The following PIK3IP1 variants were observed in gnomAD, a reference collection of about 807,000 sequenced individuals.
PIK3IP1 encodes the protein phosphoinositide-3-kinase interacting protein 1.
PIK3IP1 carries 28 observed loss-of-function variants against 30.7 expected under a neutral mutation model. The observed-to-expected ratio is 0.91, with a 90% CI of 0.68 to 1.25. The LOEUF is 1.25. Ranked by LOEUF, PIK3IP1 falls within the 50% of genes most tolerant of loss-of-function variation. The pLI is 0.00. For missense variants in PIK3IP1, 333 were observed against 346.2 expected, an observed-to-expected ratio of 0.96 and a Z score of 0.30; for synonymous variants, 159 against 140.8, an observed-to-expected ratio of 1.13 and a Z score of -0.91.
rs2049188401 is a variant in PIK3IP1 at position 31,292,457 on chromosome 22, G to T, written c.-113C>A. ...TTGCAGTCAGACCTGCCCTTGTTAT[G>T]CTGTTCTGGTAAACAGCCTCTCTTT... On this transcript the variant is annotated 5_prime_UTR_variant, in exon 1 of 6. Transcript: ENST00000215912. 3 of 813,086 alleles carry T rather than the reference G, an allele frequency of 3.7e-6. No individual in the cohort carries two copies. The highest frequency in any genetic ancestry group is 2.0e-5 in the Admixed American group (1 of 49,092). The allele number at this position is 813,086 out of a possible 1,614,324, so 50.4% of individuals were successfully genotyped here.
At chr22:31,291,370 G>T in intron 1 of PIK3IP1, 74 bp from the exon 2 acceptor site, 1 of 1,426,260 alleles carries the variant, frequency 7.0e-7, no homozygotes, top group Non-Finnish European at 9.7e-7. Flanking sequence ...GCGGACAGGG[G>T]AGCCGGGACC....
At chr22:31,290,573 C>G (rs1569012400) in intron 3 of PIK3IP1, 1 of 182,158 alleles carries the variant, frequency 5.5e-6, no homozygotes, top group East Asian at 1.4e-4. Context: ...ATGCCTCAAA[C>G]GACTTCTTCC....
chr22:31,289,480 G>A lies in PIK3IP1; in HGVS notation c.508+19C>T, dbSNP rs761245067. ...TCTTGATGAATCCCAACGAGGGCAG[G>A]GGTGGGGGACCGTCATACCCAGAGT... On this transcript the variant is annotated intron_variant, in intron 4 of 5. Coordinates refer to ENST00000215912, the MANE Select transcript of PIK3IP1 (RefSeq NM_052880.5). 2 of 1,541,124 alleles carry A rather than the reference G, an allele frequency of 1.3e-6. No homozygotes were observed. Among genetic ancestry groups the A allele is most frequent in the East Asian group, 4.5e-5 (2 of 44,042 alleles).
rs767366392 is a variant in PIK3IP1, at chr22:31,290,983, C to T, written c.289G>A (p.Glu97Lys). 3.7e-6 allele frequency: 6 copies of T among 1,605,958 alleles called. No individual in the cohort carries two copies. In the East Asian group the frequency reaches 6.8e-5, roughly 18 times the overall value. The change falls in exon 3 of 6, where the codon GAG (glutamate) becomes AAG (lysine). Residue 97 changes from glutamate (E) to lysine (K), a missense_variant. Glu to Lys is a moderately conservative substitution (Grantham distance 56, BLOSUM62 1). Coordinates refer to ENST00000215912, the MANE Select transcript of PIK3IP1 (RefSeq NM_052880.5). ...EAGVPEKRPC[E>K]DLRCPETTSQ... ...CAGGTACCTGGACAGCGCAGGTCCT[C>T]GCAAGGCCGTTTCTCAGGGACGCCG...
rs1022475993 is a variant in PIK3IP1, at chr22:31,284,905, G to A, written c.588-1617C>T. On this transcript the variant is annotated intron_variant, in intron 5 of 5. Coordinates refer to ENST00000215912, the MANE Select transcript of PIK3IP1 (RefSeq NM_052880.5). ...CTCCCTCCCTAAGAGGAAGCCTGGT[G>A]CCTGCCCACCCATCCCAGCCAGGGA... Among the ~76,000 whole-genome samples the A allele has an allele frequency of 1.1e-4, 16 of 151,074 alleles. 1 individual carries two copies. The highest frequency in any genetic ancestry group is 2.6e-4 in the Admixed American group (4 of 15,122).
At chr22:31,290,501 T>C (rs2049165925) in intron 3 of PIK3IP1, 1 of 156,404 alleles carries the variant, frequency 6.4e-6, no homozygotes, top group African/African-American at 2.4e-5. Context: ...CTAAGAAACG[T>C]GAATTCAAAT....
chr22:31,289,291 G>A (rs1204054341), intron 5 of PIK3IP1, 24 bp downstream of exon 5: 1 of 1,612,740 alleles, frequency 6.2e-7, no homozygotes, highest in Non-Finnish European at 8.5e-7. Context: ...CCTCCTAAGA[G>A]GGCCCAGAAG....
In PIK3IP1 at chr22:31,289,505, T is replaced by A; in HGVS notation, c.502A>T (p.Thr168Ser). ...GGGTGGGGGACCGTCATACCCAGAG[T>A]TCCCAGGTCCTTTTTCTCCTTGGAG... Reference protein sequence around the residue: ...MNSKEKKDLGTLGYVLGITMM... With the variant: ...MNSKEKKDLGSLGYVLGITMM... Residue 168 changes from threonine (T) to serine (S), a missense_variant, in exon 4 of 6, where the codon ACT (threonine) becomes TCT (serine). Thr to Ser is a moderately conservative substitution (Grantham distance 58). This residue lies in a region of PIK3IP1 where 217 missense variants were observed against 227.7 expected (regional missense o/e 0.95). Transcript: ENST00000215912. 1 of 1,534,038 alleles carries A rather than the reference T, an allele frequency of 6.5e-7. No homozygotes were observed. The highest frequency in any genetic ancestry group is 8.8e-7 in the Non-Finnish European group (1 of 1,138,762).
At chr22:31,290,751 G>A (rs1601462969) in intron 3 of PIK3IP1, 2 of 664,988 alleles carry the variant, frequency 3.0e-6, no homozygotes, top group East Asian at 6.8e-5. Context: ...CCGCGCAGTT[G>A]TTTACAAGCG....
rs778421181 is a variant in PIK3IP1 at position 31,289,292 on chromosome 22, G to A, written c.587+23C>T. The A allele has an allele frequency of 3.7e-6, 6 of 1,612,496 alleles. No homozygotes were observed. In the South Asian group the frequency reaches 5.5e-5, roughly 15 times the overall value. ...TACCTTCCTCCCCTCCTCCTAAGAG[G>A]GCCCAGAAGAGAAGCTACTGACCTC... is the stretch of plus-strand genomic sequence containing the variant. On this transcript the variant is annotated intron_variant, in intron 5 of 5. Coordinates refer to ENST00000215912, the MANE Select transcript of PIK3IP1 (RefSeq NM_052880.5).
At chr22:31,284,607 G>A (rs982117819) in intron 5 of PIK3IP1, among the ~76,000 whole-genome samples, 1 of 152,154 alleles carries the variant, frequency 6.6e-6, no homozygotes, top group African/African-American at 2.4e-5. Flanking sequence ...CACTGCTTGG[G>A]GGTAGGGGGT....
At position 31,282,814 on chromosome 22, in the gene PIK3IP1, A is replaced by G; in HGVS notation, c.*270T>C. On this transcript the variant is annotated 3_prime_UTR_variant, in exon 6 of 6. Coordinates refer to ENST00000215912, the MANE Select transcript of PIK3IP1 (RefSeq NM_052880.5). ...GTGCAGGCAATGTTTGGAAGCCCTT[A>G]GCAGCAGCATCACTGTGGGAGCTGC... 1 of 424,358 alleles carries G rather than the reference A, an allele frequency of 2.4e-6. No homozygotes were observed. The highest frequency in any genetic ancestry group is 4.3e-6 in the Non-Finnish European group (1 of 230,460). 26.3% of individuals were successfully genotyped at this position (424,358 alleles called of 1,614,324 possible).
At chr22:31,286,993 A>G (rs1309056053) in intron 5 of PIK3IP1, among the ~76,000 whole-genome samples, 2 of 145,764 alleles carry the variant, frequency 1.4e-5, no homozygotes, top group African/African-American at 2.5e-5. Flanking sequence ...AAGAAATCAG[A>G]GAGTACTAGT....
intron 5 of PIK3IP1, 110 bp downstream of exon 5, chr22:31,289,205 T>C: frequency 9.3e-7 from 1 of 1,074,752 alleles, no homozygotes; most frequent in Non-Finnish European, 1.4e-6. Context: ...CTCTACATCT[T>C]GAGCTGATTT....
intron 5 of PIK3IP1, among the ~76,000 whole-genome samples, chr22:31,286,758 A>G (rs2049133330): frequency 6.6e-6 from 1 of 152,190 alleles, no homozygotes; most frequent in Admixed American, 6.5e-5. Context: ...TGGGTGGCTG[A>G]GGAAAAAGGA....
rs2049101230 is a variant in PIK3IP1 at position 31,283,026 on chromosome 22, T to C, written c.*58A>G. On this transcript the variant is annotated 3_prime_UTR_variant, in exon 6 of 6. Transcript: ENST00000215912. ...ACAAAGTGGTAGTTCCTCCTAGCTGTAGGAGGGTGGGCTGTCCTGCACCAG... is the reference window on the plus strand; with the variant it reads ...ACAAAGTGGTAGTTCCTCCTAGCTGCAGGAGGGTGGGCTGTCCTGCACCAG... The C allele has an allele frequency of 7.3e-7, 1 of 1,369,724 alleles. No homozygotes were observed. The highest frequency in any genetic ancestry group is 1.0e-6 in the Non-Finnish European group (1 of 992,570). 84.8% of individuals were successfully genotyped at this position (1,369,724 alleles called of 1,614,324 possible). A position where few individuals can be genotyped will look rare whatever the true frequency, so the allele number is the denominator to read the frequency against.
At chr22:31,292,497 C>A (rs1224926901), upstream of PIK3IP1, 1 of 629,426 alleles carries the variant, frequency 1.6e-6, no homozygotes, top group Non-Finnish European at 2.8e-6. Flanking sequence ...CTGGGAGCTT[C>A]CCAGCTAGCT....
Position 31,282,609 on chromosome 22 carries a change from T to A in PIK3IP1, c.*475A>T, listed in dbSNP as rs1055482911. The A allele has an allele frequency of 6.4e-6, 1 of 156,686 alleles. No homozygotes were observed. The highest frequency in any genetic ancestry group is 2.4e-5 in the African/African-American group (1 of 41,508). The allele number at this position is 156,686 out of a possible 1,614,324, so 9.7% of individuals were successfully genotyped here. A position where few individuals can be genotyped will look rare whatever the true frequency, so the allele number is the denominator to read the frequency against. ...CAGTTCTCAGAGGTCAGTAGGGAGT[T>A]CCATCCCAAATATTTTAAAAACTAA... On this transcript the variant is annotated 3_prime_UTR_variant, in exon 6 of 6. Coordinates refer to ENST00000215912, the MANE Select transcript of PIK3IP1 (RefSeq NM_052880.5).
chr22:31,289,525 T>G lies in PIK3IP1; in HGVS notation c.482A>C (p.Lys161Thr). ...CAGAGTTCCCAGGTCCTTTTTCTCCTTGGAGTTCATCCGCACCCGCTGGCT... is the reference window on the plus strand; with the variant it reads ...CAGAGTTCCCAGGTCCTTTTTCTCCGTGGAGTTCATCCGCACCCGCTGGCT... ...GISQRVRMNS[K>T]EKKDLGTLGY... is the part of the protein sequence containing the mutation. The change falls in exon 4 of 6, where the codon AAG becomes ACG. Residue 161 changes from lysine (K) to threonine (T), a missense_variant. Coordinates refer to ENST00000215912, the MANE Select transcript of PIK3IP1 (RefSeq NM_052880.5). The G allele has an allele frequency of 6.5e-7, 1 of 1,540,238 alleles. No individual in the cohort carries two copies. Among genetic ancestry groups the G allele is most frequent in the Non-Finnish European group, 8.8e-7 (1 of 1,141,006 alleles).
Sources: gnomAD v4.1 joint callset for allele counts (sites outside exome capture counted in the v4.1 genomes callset) on GRCh38, gnomAD v4.1.1 for gene constraint, gnomAD v4.1.1 regional missense constraint, MANE v1.5 for transcripts, NCBI Gene and HGNC (gene_info 2026-07-23, HGNC 2026-07-21) for gene names.